The following GLMN variants were observed in gnomAD, a reference collection of about 807,000 sequenced individuals.
GLMN encodes glomulin, FKBP associated protein, also known as glomulin.
In GLMN, 75 loss-of-function variants were observed where a neutral mutation model predicts 87.8. The ratio of observed to expected loss-of-function variants is 0.85; its 90% confidence interval spans 0.71 to 1.04. The LOEUF (loss-of-function observed/expected upper bound fraction) is 1.04. GLMN is among the 50% of genes least tolerant of loss of function. The pLI is 0.00. For synonymous variants in GLMN, 206 were observed against 221.6 expected, an observed-to-expected ratio of 0.93 and a Z score of 0.63; for missense variants, 588 against 658.8, an observed-to-expected ratio of 0.89 and a Z score of 1.18.
At chr1:92,338,713 C>G in the GLMN span, among the ~76,000 whole-genome samples, 1 of 148,098 alleles carries the variant, frequency 6.8e-6, no homozygotes, top group East Asian at 2.0e-4. Context: ...TTCAGTGATG[C>G]GATCATGGCT....
chr1:92,336,083 T>C, the GLMN span, among the ~76,000 whole-genome samples: 1 of 152,274 alleles, frequency 6.6e-6, no homozygotes, highest in Non-Finnish European at 1.5e-5. Flanking sequence ...TAAGTAAAAC[T>C]AGGGACAAGA....
At chr1:92,256,340 A>G (rs1428556696) in intron 16 of GLMN, among the ~76,000 whole-genome samples, 1 of 152,198 alleles carries the variant, frequency 6.6e-6, no homozygotes, top group Non-Finnish European at 1.5e-5. Context: ...AGGAGGTGGT[A>G]CCATTCCTTC....
the GLMN span, chr1:92,320,692 G>C: frequency 1.4e-6 from 2 of 1,400,672 alleles, no homozygotes; most frequent in Non-Finnish European, 2.0e-6. Context: ...GAAACATTAG[G>C]AGTGAACCAG....
chr1:92,335,367 A>G, the GLMN span, among the ~76,000 whole-genome samples: 2 of 152,188 alleles, frequency 1.3e-5, no homozygotes, highest in African/African-American at 4.8e-5. Context: ...TTTTTATACT[A>G]TCACACTGGT....
the GLMN span, among the ~76,000 whole-genome samples, chr1:92,315,150 G>A: frequency 6.6e-6 from 1 of 152,084 alleles, no homozygotes; most frequent in African/African-American, 2.4e-5. Context: ...AGTATTCAAT[G>A]TCAGTGAGTC....
chr1:92,299,293 C>T (rs1650599273), upstream of GLMN: 3 of 454,038 alleles, frequency 6.6e-6, no homozygotes, highest in African/African-American at 2.0e-5. Flanking sequence ...TTCCCACCGC[C>T]GTCCGCACCT....
the GLMN span, among the ~76,000 whole-genome samples, chr1:92,366,218 G>A: frequency 6.6e-6 from 1 of 152,162 alleles, no homozygotes; most frequent in African/African-American, 2.4e-5. Flanking sequence ...TAGAAGGATT[G>A]CTTGAGCCCA....
chr1:92,333,352 TTA>T, the GLMN span: 4 of 1,490,082 alleles, frequency 2.7e-6, no homozygotes, highest in South Asian at 4.5e-5. Flanking sequence ...GAATGTAAAC[TTA>T]TGATTCTGTT....
the GLMN span, among the ~76,000 whole-genome samples, chr1:92,352,878 G>A: frequency 6.6e-6 from 1 of 151,990 alleles, no homozygotes; most frequent in Admixed American, 6.6e-5. Context: ...TAGTCCTCTG[G>A]CAACCATAAA....
intron 16 of GLMN, among the ~76,000 whole-genome samples, chr1:92,258,056 C>T (rs1447388202): frequency 2.6e-5 from 4 of 151,532 alleles, no homozygotes; most frequent in Admixed American, 6.6e-5. Context: ...GGAACTTAAA[C>T]AAATTTATAA....
intron 2 of GLMN, 55 bp downstream of exon 2, chr1:92,297,906 C>T (rs747195129): frequency 8.0e-6 from 7 of 875,214 alleles, no homozygotes; most frequent in Non-Finnish European, 1.2e-5. Context: ...TAAAAACAAT[C>T]TGTGCCCTTC....
intron 7 of GLMN, among the ~76,000 whole-genome samples, chr1:92,284,746 AT>A (rs1302209059): frequency 6.6e-6 from 1 of 152,178 alleles, no homozygotes; most frequent in Non-Finnish European, 1.5e-5. Context: ...AATATCCAGA[AT>A]CTACAAAGAA....
At chr1:92,306,865 CA>C in the GLMN span, among the ~76,000 whole-genome samples, 10 of 151,840 alleles carry the variant, frequency 6.6e-5, no homozygotes, top group African/African-American at 1.2e-4. Flanking sequence ...TTATTCCATT[CA>C]AAAAAATGTT....
intron 16 of GLMN, among the ~76,000 whole-genome samples, chr1:92,259,239 CTAA>C (rs1367501076): frequency 5.3e-5 from 8 of 151,958 alleles, no homozygotes; most frequent in African/African-American, 7.3e-5. Flanking sequence ...TTCGAAACAA[CTAA>C]TAATTATTTA....
chr1:92,285,099 C>T (rs1012198947), intron 7 of GLMN, among the ~76,000 whole-genome samples: 1 of 152,124 alleles, frequency 6.6e-6, no homozygotes, highest in Admixed American at 6.5e-5. Flanking sequence ...TTTGACCCAG[C>T]CATCCCAATA....
chr1:92,356,874 C>A, the GLMN span, among the ~76,000 whole-genome samples: 3 of 151,868 alleles, frequency 2.0e-5, no homozygotes, highest in East Asian at 2.0e-4. Flanking sequence ...ACCAACCTGG[C>A]CAACATGGTT....
At chr1:92,259,615 T>A (rs976535144) in intron 16 of GLMN, among the ~76,000 whole-genome samples, 4 of 152,166 alleles carry the variant, frequency 2.6e-5, no homozygotes, top group Admixed American at 2.6e-4. Context: ...TCTGACTAAT[T>A]ACCCTCTTAG....
At chr1:92,283,396 A>G (rs1016140799) in intron 7 of GLMN, among the ~76,000 whole-genome samples, 3 of 152,246 alleles carry the variant, frequency 2.0e-5, no homozygotes, top group Admixed American at 6.5e-5. Context: ...AGATGCAGAA[A>G]AGGCCTTGGA....
the GLMN span, among the ~76,000 whole-genome samples, chr1:92,310,189 A>G: frequency 6.6e-6 from 1 of 152,202 alleles, no homozygotes; most frequent in Admixed American, 6.5e-5. Context: ...GTGTATAACC[A>G]TATCAGTATC....
Sources: allele counts gnomAD v4.1 joint callset (sites outside exome capture counted in the v4.1 genomes callset), GRCh38; gene constraint gnomAD v4.1.1; transcripts MANE v1.5; gene names NCBI Gene and HGNC (gene_info 2026-07-23, HGNC 2026-07-21).